Variants in NAALADL2 observed in about 807,000 individuals in gnomAD.
The protein encoded by NAALADL2 is inactive N-acetylated-alpha-linked acidic dipeptidase-like protein 2.
A neutral mutation model predicts 87.2 loss-of-function variants in NAALADL2; 76 were observed. The ratio of observed to expected loss-of-function variants is 0.87; its 90% confidence interval spans 0.72 to 1.05. The LOEUF is 1.05. Ranked by LOEUF, NAALADL2 falls within the 50% of genes least tolerant of loss-of-function variation. The pLI, the probability that NAALADL2 is intolerant of heterozygous loss-of-function variation, is 0.00. For synonymous variants in NAALADL2, 354 were observed against 331.0 expected, an observed-to-expected ratio of 1.07 and a Z score of -0.75; for missense variants, 1,089 against 945.8, an observed-to-expected ratio of 1.15 and a Z score of -1.99.
chr3:175,120,867 A>G (rs1345530514), intron 2 of NAALADL2, among the ~76,000 whole-genome samples: 5 of 151,850 alleles, frequency 3.3e-5, no homozygotes. Context: ...TTAGTTTTCA[A>G]ATAGAACAAG....
intron 11 of NAALADL2, among the ~76,000 whole-genome samples, chr3:175,733,121 A>G (rs1245035663): frequency 1.3e-5 from 2 of 152,200 alleles, no homozygotes; most frequent in African/African-American, 4.8e-5. Flanking sequence ...TCCCAAGCAG[A>G]TAGAAGAAGA....
At chr3:175,406,493 C>A (rs1313992969) in intron 5 of NAALADL2, among the ~76,000 whole-genome samples, 2 of 152,130 alleles carry the variant, frequency 1.3e-5, no homozygotes, top group Non-Finnish European at 2.9e-5. Context: ...TAACTTTAGT[C>A]TTGCAGTAGG....
chr3:175,263,064 C>T (rs1222958597), intron 4 of NAALADL2, among the ~76,000 whole-genome samples: 2 of 151,124 alleles, frequency 1.3e-5, no homozygotes, highest in Non-Finnish European at 3.0e-5. Flanking sequence ...AGAGCTGCTC[C>T]ATTTGTCATG....
intron 5 of NAALADL2, among the ~76,000 whole-genome samples, chr3:175,394,558 T>C (rs1266856692): frequency 6.6e-6 from 1 of 152,222 alleles, no homozygotes; most frequent in Admixed American, 6.5e-5. Context: ...TCATTGTGTT[T>C]TACACAACAT....
chr3:174,950,222 T>A lies in NAALADL2; in HGVS notation c.43+90772T>A, dbSNP rs576257980. 3.7e-4 allele frequency among the ~76,000 whole-genome samples: 56 copies of A among 152,154 alleles called. 2 individuals are homozygous for A. The South Asian group carries it at 6.6e-3, about 18-fold the overall frequency. On this transcript the variant is annotated intron_variant, in intron 1 of 13. Coordinates refer to ENST00000454872, the MANE Select transcript of NAALADL2 (RefSeq NM_207015.3). ...GATGAAAGTGTAGAGTCCTTGGTTT[T>A]ACCAAGGACTCTACAAACCTACTGA...
chr3:175,400,708 T>A (rs1253203588), intron 5 of NAALADL2, among the ~76,000 whole-genome samples: 1 of 152,122 alleles, frequency 6.6e-6, no homozygotes, highest in East Asian at 1.9e-4. Flanking sequence ...GAGTATATAT[T>A]TTATGTTGTA....
chr3:175,447,811 C>G (rs114823474), intron 6 of NAALADL2, among the ~76,000 whole-genome samples: 1 of 152,130 alleles, frequency 6.6e-6, no homozygotes, highest in Non-Finnish European at 1.5e-5. Context: ...TCTGTCTATG[C>G]GCATCATCGC....
At chr3:175,786,240 C>T (rs544994418) in intron 13 of NAALADL2, among the ~76,000 whole-genome samples, 2 of 151,680 alleles carry the variant, frequency 1.3e-5, no homozygotes, top group African/African-American at 2.4e-5. Context: ...GAATCTGAAC[C>T]TTGGCCTGCC....
chr3:175,262,224 A>G (rs1226756714), intron 4 of NAALADL2, among the ~76,000 whole-genome samples: 2 of 152,214 alleles, frequency 1.3e-5, no homozygotes, highest in East Asian at 3.9e-4. Context: ...ATGCTGAGAA[A>G]TATTACATTT....
intron 1 of NAALADL2, among the ~76,000 whole-genome samples, chr3:174,505,329 C>T (rs765630175): frequency 1.3e-5 from 2 of 152,080 alleles, no homozygotes; most frequent in African/African-American, 2.4e-5. Flanking sequence ...AAAAAATTTC[C>T]TGACCAATTT....
chr3:175,669,444 G>T (rs778622319), intron 11 of NAALADL2, among the ~76,000 whole-genome samples: 1 of 152,002 alleles, frequency 6.6e-6, no homozygotes, highest in East Asian at 1.9e-4. Context: ...CTGATGATGT[G>T]CATCTTTATT....
intron 1 of NAALADL2, among the ~76,000 whole-genome samples, chr3:174,961,695 A>T (rs1742024389): frequency 6.6e-6 from 1 of 152,078 alleles, no homozygotes; most frequent in African/African-American, 2.4e-5. Context: ...ATTATTAGCC[A>T]TTTGAGGGGA....
intron 1 of NAALADL2, among the ~76,000 whole-genome samples, chr3:174,984,445 G>C (rs929398244): frequency 6.6e-6 from 1 of 151,952 alleles, no homozygotes; most frequent in Non-Finnish European, 1.5e-5. Flanking sequence ...CTACGCAGTA[G>C]AGTAGTGTTT....
intron 1 of NAALADL2, among the ~76,000 whole-genome samples, chr3:174,937,263 AGC>A (rs1475334966): frequency 2.6e-5 from 4 of 152,050 alleles, no homozygotes; most frequent in Non-Finnish European, 4.4e-5. Context: ...AAGAAAGCTA[AGC>A]TAGGGTCCCT....
At chr3:174,759,703 CTT>C (rs11295292) in intron 3 of NAALADL2, among the ~76,000 whole-genome samples, 25 of 145,386 alleles carry the variant, frequency 1.7e-4, no homozygotes, top group Admixed American at 4.8e-4. Flanking sequence ...ATACAAATCA[CTT>C]TTTTTTTTTT....
intron 2 of NAALADL2, among the ~76,000 whole-genome samples, chr3:175,131,094 C>T (rs553664304): frequency 2.0e-5 from 3 of 150,690 alleles, no homozygotes; most frequent in Admixed American, 2.0e-4. Flanking sequence ...CAGTGTTTTA[C>T]AGTTTTCCTT....
In NAALADL2 at chr3:175,025,288, A is replaced by G. The variant is rs79050113; in HGVS notation, c.44-71502A>G. On this transcript the variant is annotated intron_variant, in intron 1 of 13. Transcript: ENST00000454872. ...GTATGCATTTTATATTTTGTCAGGG[A>G]TGGGTAAAACTGGTCAGCACTGCCT... Among the ~76,000 whole-genome samples the G allele has an allele frequency of 5.9e-3, 895 of 152,170 alleles. 9 individuals are homozygous for G. Among genetic ancestry groups the G allele is most frequent in the Middle Eastern group, 0.034 (10 of 294 alleles).
At chr3:175,107,814 T>G (rs1723476202) in intron 2 of NAALADL2, among the ~76,000 whole-genome samples, 1 of 152,048 alleles carries the variant, frequency 6.6e-6, no homozygotes, top group East Asian at 1.9e-4. Context: ...TTTGAAATTC[T>G]ATGTATCTAA....
chr3:175,016,384 A>T (rs1256770466), intron 1 of NAALADL2, among the ~76,000 whole-genome samples: 2 of 151,104 alleles, frequency 1.3e-5, no homozygotes, highest in Non-Finnish European at 1.5e-5. Flanking sequence ...ACAAGGAAAG[A>T]TGCTTAGGAT....
Sources: allele counts gnomAD v4.1 joint callset (sites outside exome capture counted in the v4.1 genomes callset), GRCh38; gene constraint gnomAD v4.1.1; transcripts MANE v1.5; gene names NCBI Gene and HGNC (gene_info 2026-07-23, HGNC 2026-07-21).